Variants in B4GALNT3 observed in about 807,000 individuals in gnomAD.
B4GALNT3 encodes the protein beta-1,4-N-acetyl-galactosaminyltransferase 3.
B4GALNT3 carries 86 observed loss-of-function variants against 120.2 expected under a neutral mutation model. That is an observed-to-expected ratio of 0.72 (90% CI 0.60 to 0.86). B4GALNT3 has a LOEUF of 0.86. Among genes scored for constraint, B4GALNT3 ranks in the 40% least tolerant of loss-of-function variants. The pLI is 0.00. For synonymous variants in B4GALNT3, 518 were observed against 510.4 expected, an observed-to-expected ratio of 1.01 and a Z score of -0.20; for missense variants, 1,167 against 1,298.9, an observed-to-expected ratio of 0.90 and a Z score of 1.56.
rs1946005716 is a variant in B4GALNT3 at position 460,192 on chromosome 12, G to C, written c.-185G>C. Among the ~76,000 whole-genome samples, 2 of 150,590 alleles carry C rather than the reference G, an allele frequency of 1.3e-5. No individual in the cohort carries two copies. The highest frequency in any genetic ancestry group is 4.2e-4 in the South Asian group (2 of 4,810). ...GACCTGCTGGGCGCCCGCGCAGCCC[G>C]GAGACCCCTCGCGCCCGGAGCATGA... On this transcript the variant is annotated 5_prime_UTR_variant, in exon 1 of 20. Transcript: ENST00000266383. The surrounding 1 kb of genome is among the most constrained non-coding windows in gnomAD (Gnocchi z 8.0).
intron 1 of B4GALNT3, among the ~76,000 whole-genome samples, chr12:500,005 C>T (rs55682435): frequency 0.076 from 11,591 of 152,214 alleles, 464 homozygotes; most frequent in South Asian, 0.1. Flanking sequence ...CTGCTCTTGC[C>T]GAGGCTTGCT....
intron 1 of B4GALNT3, among the ~76,000 whole-genome samples, chr12:511,013 CTTTTTTTTTTTTTTTTTTTTTT>C (rs762032000): frequency 0.046 from 2,005 of 43,888 alleles, 35 homozygotes; most frequent in Non-Finnish European, 0.054. Flanking sequence ...TTTGCCTATT[CTTTTTTTTTTTTTTTTTTTTTT>C]TTTTTTTTTT....
chr12:471,703 T>C lies in B4GALNT3; in HGVS notation c.169+11158T>C, dbSNP rs904045646. On this transcript the variant is annotated intron_variant, in intron 1 of 19. Coordinates refer to ENST00000266383, the MANE Select transcript of B4GALNT3 (RefSeq NM_173593.4). ...GCCTGGGCAACAGAGCAAGACTCTG[T>C]CTCAAAATAATAATAAAAAATAAAT... Among the ~76,000 whole-genome samples the C allele has an allele frequency of 2.8e-5, 4 of 140,770 alleles. No individual in the cohort carries two copies. In the Admixed American group the frequency reaches 3.0e-4, roughly 11 times the overall value. 92.4% of individuals were successfully genotyped at this position (140,770 alleles called of 152,430 possible).
At chr12:498,466 CCCCATCTCTAGTTGACTT>C (rs1215698651) in intron 1 of B4GALNT3, among the ~76,000 whole-genome samples, 1 of 152,114 alleles carries the variant, frequency 6.6e-6, no homozygotes, top group Non-Finnish European at 1.5e-5. Context: ...CCATCTGTGG[CCCCATCTCTAGTTGACTT>C]CCTGTTTTTG....
chr12:481,593 T>G (rs1408048422), intron 1 of B4GALNT3, among the ~76,000 whole-genome samples: 1 of 152,190 alleles, frequency 6.6e-6, no homozygotes, highest in African/African-American at 2.4e-5. Flanking sequence ...AGTCATTACC[T>G]CACCGCAGGG....
In B4GALNT3 at chr12:513,753, C is replaced by T. The variant is rs528027458; in HGVS notation, c.170-21413C>T. Among the ~76,000 whole-genome samples the T allele has an allele frequency of 1.1e-4, 16 of 152,310 alleles. No homozygotes were observed. In the South Asian group the frequency reaches 1.2e-3, roughly 12 times the overall value. On this transcript the variant is annotated intron_variant, in intron 1 of 19. Coordinates refer to ENST00000266383, the MANE Select transcript of B4GALNT3 (RefSeq NM_173593.4). ...CAGCACCTCTGACAATAGCTCACTA[C>T]GGCCTCAAACATTTTTGTATAGACG...
In B4GALNT3 at chr12:460,067, G is replaced by A. The variant is rs1195909038; in HGVS notation, c.-310G>A. Among the ~76,000 whole-genome samples the A allele has an allele frequency of 1.3e-5, 2 of 151,078 alleles. No homozygotes were observed. The highest frequency in any genetic ancestry group is 3.0e-5 in the Non-Finnish European group (2 of 67,552). ...CAGCGAGTGAGGGCGGGCGCGCAGG[G>A]AGGGAGGGCGGCAGCGAGCCTGCGA... On this transcript the variant is annotated 5_prime_UTR_variant, in exon 1 of 20. Coordinates refer to ENST00000266383, the MANE Select transcript of B4GALNT3 (RefSeq NM_173593.4). The surrounding 1 kb of genome is among the most constrained non-coding windows in gnomAD (Gnocchi z 8.0).
At chr12:538,607 T>C (rs1946885195) in intron 3 of B4GALNT3, among the ~76,000 whole-genome samples, 1 of 151,594 alleles carries the variant, frequency 6.6e-6, no homozygotes, top group African/African-American at 2.4e-5. Flanking sequence ...TTAGTAAGTG[T>C]GTATGGCCTT....
intron 1 of B4GALNT3, among the ~76,000 whole-genome samples, chr12:534,496 G>A (rs1946838784): frequency 6.6e-6 from 1 of 152,160 alleles, no homozygotes; most frequent in African/African-American, 2.4e-5. Flanking sequence ...TCTCGCCATG[G>A]TTTGGCTTTT....
chr12:477,173 C>T (rs1946193655), intron 1 of B4GALNT3, among the ~76,000 whole-genome samples: 1 of 152,206 alleles, frequency 6.6e-6, no homozygotes, highest in African/African-American at 2.4e-5. Context: ...CCTCTGCCTT[C>T]GCTCATTCCC....
intron 11 of B4GALNT3, among the ~76,000 whole-genome samples, chr12:551,802 G>A (rs2120720785): frequency 6.6e-6 from 1 of 152,240 alleles, no homozygotes; most frequent in East Asian, 1.9e-4. Flanking sequence ...TGGTTCAGGA[G>A]GGGAGATGTG....
chr12:553,465 G>A lies in B4GALNT3; in HGVS notation c.1542G>A (p.Arg514=). ...SHIPVQQPEK[R]KQKPSPEPSQ... is the part of the protein sequence containing the mutation. ...TTCCAGTGCAGCAGCCAGAGAAGAG[G>A]AAGCAAAAACCCAGCCCTGAGCCCA... Residue 514 remains arginine (R), a synonymous_variant, in exon 14 of 20, where the codon AGG becomes AGA. Coordinates refer to ENST00000266383, the MANE Select transcript of B4GALNT3 (RefSeq NM_173593.4). 3 of 1,614,160 alleles carry A rather than the reference G, an allele frequency of 1.9e-6. No homozygotes were observed. Among genetic ancestry groups the A allele is most frequent in the Non-Finnish European group, 1.7e-6 (2 of 1,180,052 alleles).
At chr12:529,702 T>C (rs1360463643) in intron 1 of B4GALNT3, among the ~76,000 whole-genome samples, 1 of 152,030 alleles carries the variant, frequency 6.6e-6, no homozygotes, top group East Asian at 1.9e-4. Context: ...CTGCTATGAA[T>C]ATTGCCATTA....
intron 1 of B4GALNT3, among the ~76,000 whole-genome samples, chr12:528,943 T>C (rs1946781561): frequency 6.6e-6 from 1 of 152,220 alleles, no homozygotes; most frequent in Non-Finnish European, 1.5e-5. Context: ...CATTCCAGTT[T>C]GAGTGTCTGG....
At position 559,479 on chromosome 12, in the gene B4GALNT3, G is replaced by A. The variant is rs866354089; in HGVS notation, c.2888+58G>A. 1.1e-5 allele frequency: 17 copies of A among 1,602,744 alleles called. No homozygotes were observed. Among genetic ancestry groups the A allele is most frequent in the Middle Eastern group, 1.7e-4 (1 of 5,904 alleles). Reference sequence around the variant, plus strand: ...TGGGAATTCCATGGCGCTCCAGGCAGGGAGCCAGGCTACAGCAGCCTAGCT... The same window carrying A: ...TGGGAATTCCATGGCGCTCCAGGCAAGGAGCCAGGCTACAGCAGCCTAGCT... On this transcript the variant is annotated intron_variant, in intron 19 of 19. Coordinates refer to ENST00000266383, the MANE Select transcript of B4GALNT3 (RefSeq NM_173593.4).
At chr12:557,889 A>G in intron 16 of B4GALNT3, 127 bp from the exon 17 acceptor site, 1 of 1,464,824 alleles carries the variant, frequency 6.8e-7, no homozygotes, top group Non-Finnish European at 9.4e-7. Context: ...AACTTTTCCC[A>G]GAGGGCTCAC....
At position 553,696 on chromosome 12, in the gene B4GALNT3, G is replaced by A; in HGVS notation, c.1773G>A (p.Glu591=). 6.2e-7 allele frequency: 1 copy of A among 1,613,854 alleles called. No homozygotes were observed. The highest frequency in any genetic ancestry group is 8.5e-7 in the Non-Finnish European group (1 of 1,179,740). The change falls in exon 14 of 20, where the codon GAG becomes GAA. Residue 591 remains glutamate (E), a synonymous_variant. Transcript: ENST00000266383. ...QAPGRGWHGE[E]EVVAAAGQEG... ...CTGGAAGGGGCTGGCATGGGGAGGA[G>A]GAAGTGGTGGCGGCCGCAGGCCAGG...
In B4GALNT3 at chr12:553,833, C is replaced by T. The variant is rs764173019; in HGVS notation, c.1910C>T (p.Thr637Ile). The T allele has an allele frequency of 6.2e-7, 1 of 1,614,206 alleles. No individual in the cohort carries two copies. The highest frequency in any genetic ancestry group is 1.7e-5 in the Admixed American group (1 of 60,022). Residue 637 changes from threonine (T) to isoleucine (I), a missense_variant, in exon 14 of 20, where the codon ACC becomes ATC. By Grantham distance (89) the Thr-to-Ile change is moderately conservative. This residue lies in a region of B4GALNT3 where 983 missense variants were observed against 1,102.5 expected (regional missense o/e 0.89). Coordinates refer to ENST00000266383, the MANE Select transcript of B4GALNT3 (RefSeq NM_173593.4). ...VFDPVVNWDQ[T>I]FSARNLDFQA... ...GACCCGGTAGTAAACTGGGACCAGA[C>T]CTTCAGTGCCCGGAATCTCGACTTC...
chr12:558,104 G>A lies in B4GALNT3; in HGVS notation c.2607+16G>A, dbSNP rs753854511. ...CCTCGTGAAGGTAAAGGGCCTGGAT[G>A]GGGCCTGCGAGATGGAATTCAAGGC... On this transcript the variant is annotated intron_variant, in intron 17 of 19. Coordinates refer to ENST00000266383, the MANE Select transcript of B4GALNT3 (RefSeq NM_173593.4). 12 of 1,612,306 alleles carry A rather than the reference G, an allele frequency of 7.4e-6. No homozygotes were observed. The South Asian group carries it at 1.3e-4, about 18-fold the overall frequency.
Sources: gnomAD v4.1 joint callset for allele counts (sites outside exome capture counted in the v4.1 genomes callset) on GRCh38, gnomAD v4.1.1 for gene constraint, gnomAD v4.1.1 regional missense constraint, Gnocchi (gnomAD v3.1) non-coding constraint, MANE v1.5 for transcripts, NCBI Gene and HGNC (gene_info 2026-07-23, HGNC 2026-07-21) for gene names.